The following LRP5 variants were observed in gnomAD, a reference collection of about 807,000 sequenced individuals.
LRP5 encodes LDL receptor related protein 5.
LRP5 carries 62 observed loss-of-function variants against 154.1 expected under a neutral mutation model. The ratio of observed to expected loss-of-function variants is 0.40; its 90% CI spans 0.33 to 0.50. The LOEUF (loss-of-function observed/expected upper bound fraction) is 0.50. LRP5 is among the 20% of genes least tolerant of loss of function. The probability of loss-of-function intolerance (pLI) is 0.55; values close to 1 mark genes in which losing one functional copy is unlikely to be tolerated. For missense variants in LRP5, 1,915 were observed against 2,336.7 expected, an observed-to-expected ratio of 0.82 and a Z score of 3.72; for synonymous variants, 966 against 1,011.5, an observed-to-expected ratio of 0.96 and a Z score of 0.85.
chr11:68,378,864 A>G (rs2098638838), intron 5 of LRP5, among the ~76,000 whole-genome samples: 1 of 152,018 alleles, frequency 6.6e-6, no homozygotes. Context: ...CCTGGCCAAC[A>G]TGGCGAAACT....
At chr11:68,443,560 TATATATATATA>T (rs2098679484) in intron 21 of LRP5, among the ~76,000 whole-genome samples, 2 of 37,826 alleles carry the variant, frequency 5.3e-5, no homozygotes, top group African/African-American at 2.4e-4. Context: ...TATATATATA[TATATATATATA>T]TATATATATA....
At chr11:68,318,144 T>C (rs952665481) in intron 1 of LRP5, among the ~76,000 whole-genome samples, 1 of 151,676 alleles carries the variant, frequency 6.6e-6, no homozygotes, top group Non-Finnish European at 1.5e-5. Flanking sequence ...AAGCTCCACC[T>C]CCCAGGGTCA....
chr11:68,399,440 G>C (rs540140873), intron 7 of LRP5, among the ~76,000 whole-genome samples: 1 of 151,960 alleles, frequency 6.6e-6, no homozygotes, highest in African/African-American at 2.4e-5. Flanking sequence ...TGCTCTCCAT[G>C]CTGCTTTCTG....
At chr11:68,427,833 T>C (rs2098669599) in intron 16 of LRP5, among the ~76,000 whole-genome samples, 1 of 152,192 alleles carries the variant, frequency 6.6e-6, no homozygotes, top group Admixed American at 6.5e-5. Flanking sequence ...CACCTGGGTG[T>C]GGTCAGCTCT....
At chr11:68,440,683 C>T (rs935571191) in intron 21 of LRP5, among the ~76,000 whole-genome samples, 3 of 152,192 alleles carry the variant, frequency 2.0e-5, no homozygotes, top group Non-Finnish European at 4.4e-5. Context: ...TCTGGGGCCT[C>T]GCCAGTGAGC....
At chr11:68,377,257 C>T (rs558518989) in intron 5 of LRP5, among the ~76,000 whole-genome samples, 10 of 152,268 alleles carry the variant, frequency 6.6e-5, no homozygotes, top group South Asian at 2.1e-4. Context: ...TTCCTGAGGC[C>T]GGCACTGACT....
At chr11:68,401,627 G>A (rs1032254003) in intron 7 of LRP5, among the ~76,000 whole-genome samples, 5 of 152,196 alleles carry the variant, frequency 3.3e-5, no homozygotes, top group Non-Finnish European at 5.9e-5. Flanking sequence ...AGCCCCTTGG[G>A]GGCAGAGCTG....
At chr11:68,427,975 T>TTA (rs1565105932) in intron 16 of LRP5, among the ~76,000 whole-genome samples, 6,582 of 43,280 alleles carry the variant, frequency 0.15, 218 homozygotes, top group Non-Finnish European at 0.22. Flanking sequence ...ATTTTATTTT[T>TTA]TTTATTTATT....
intron 1 of LRP5, among the ~76,000 whole-genome samples, chr11:68,330,440 A>G (rs1296596609): frequency 6.6e-6 from 1 of 152,084 alleles, no homozygotes; most frequent in Non-Finnish European, 1.5e-5. Context: ...GGAAGAGGCG[A>G]TTTGCTTCTG....
intron 17 of LRP5, among the ~76,000 whole-genome samples, chr11:68,431,557 A>C (rs2098671928): frequency 6.6e-6 from 1 of 152,050 alleles, no homozygotes; most frequent in African/African-American, 2.4e-5. Context: ...TGTTTTTAGC[A>C]GTTTGTCTTG....
In LRP5 at chr11:68,437,033, C is replaced by T. The variant is rs150137194; in HGVS notation, c.4111+34C>T. Reference sequence around the variant, plus strand: ...GCTTCTGGCACGGGGAAGGGGCGTCCGGGCTGGGTTCCCCCAGGAACGTGG... The same window carrying T: ...GCTTCTGGCACGGGGAAGGGGCGTCTGGGCTGGGTTCCCCCAGGAACGTGG... On this transcript the variant is annotated intron_variant, in intron 19 of 22. Coordinates refer to ENST00000294304, the MANE Select transcript of LRP5 (RefSeq NM_002335.4). 852 of 1,575,916 alleles carry T rather than the reference C, an allele frequency of 5.4e-4. 5 individuals are homozygous for T. In the African/African-American group the frequency reaches 0.01, roughly 19 times the overall value.
intron 5 of LRP5, among the ~76,000 whole-genome samples, chr11:68,374,236 G>A (rs533181125): frequency 5.3e-5 from 8 of 152,228 alleles, no homozygotes; most frequent in African/African-American, 7.2e-5. Flanking sequence ...CTGTCCGGGC[G>A]GATTAGCTCA....
intron 13 of LRP5, among the ~76,000 whole-genome samples, chr11:68,417,354 TTAA>T (rs2098663138): frequency 1.3e-5 from 2 of 151,560 alleles, no homozygotes; most frequent in South Asian, 4.2e-4. Flanking sequence ...TTGCATTCAC[TTAA>T]TGTTTCTCGT....
intron 1 of LRP5, among the ~76,000 whole-genome samples, chr11:68,340,113 G>T (rs1000315078): frequency 6.6e-6 from 1 of 152,128 alleles, no homozygotes; most frequent in Admixed American, 6.5e-5. Flanking sequence ...GGTGGCGTGT[G>T]CCTGTAATCC....
chr11:68,425,305 G>T lies in LRP5; in HGVS notation c.3427+13G>T, dbSNP rs779912481. 9 of 1,599,978 alleles carry T rather than the reference G, an allele frequency of 5.6e-6. No homozygotes were observed. Among genetic ancestry groups the T allele is most frequent in the African/African-American group, 1.3e-5 (1 of 74,950 alleles). ...TGTGACCTGTCAGGTACGCGCCCCG[G>T]GGCCTGCCCTAACCGCAGACACCCG... is the stretch of plus-strand genomic sequence containing the variant. On this transcript the variant is annotated intron_variant, in intron 15 of 22. Transcript: ENST00000294304.
intron 4 of LRP5, among the ~76,000 whole-genome samples, chr11:68,364,971 G>A (rs1404634503): frequency 2.6e-5 from 4 of 152,170 alleles, no homozygotes; most frequent in African/African-American, 4.8e-5. Context: ...AGCATTTATC[G>A]AGTTCCGTTC....
chr11:68,433,662 C>G lies in LRP5; in HGVS notation c.3824C>G (p.Pro1275Arg). 1 of 1,613,500 alleles carries G rather than the reference C, an allele frequency of 6.2e-7. No individual in the cohort carries two copies. Among genetic ancestry groups the G allele is most frequent in the Non-Finnish European group, 8.5e-7 (1 of 1,180,002 alleles). Residue 1275 changes from proline (P) to arginine (R), a missense_variant, in exon 18 of 23, where the codon CCC becomes CGC. Physicochemically the swap from Pro to Arg is moderately radical, Grantham distance 103. Coordinates refer to ENST00000294304, the MANE Select transcript of LRP5 (RefSeq NM_002335.4). Reference sequence around the variant, plus strand: ...GCCACAGGGGAGATCGACTGTATCCCCGGGGCCTGGCGCTGTGACGGCTTT... The same window carrying G: ...GCCACAGGGGAGATCGACTGTATCCGCGGGGCCTGGCGCTGTGACGGCTTT... ...ACATGEIDCI[P>R]GAWRCDGFPE...
At position 68,406,720 on chromosome 11, in the gene LRP5, C is replaced by A. The variant is rs762411916; in HGVS notation, c.1998C>A (p.Asp666Glu). 6 of 1,614,066 alleles carry A rather than the reference C, an allele frequency of 3.7e-6. No homozygotes were observed. The highest frequency in any genetic ancestry group is 1.3e-5 in the African/African-American group (1 of 74,934). ...TCTCCCTCGAGACCAATAACAACGACGTGGCCATCCCGCTCACGGGCGTCA... is the reference window on the plus strand; with the variant it reads ...TCTCCCTCGAGACCAATAACAACGAAGTGGCCATCCCGCTCACGGGCGTCA... The part of the protein sequence containing the change: ...HRISLETNNN[D>E]VAIPLTGVKE... Residue 666 changes from aspartate to glutamate, a missense_variant, in exon 9 of 23, where the codon GAC (aspartate) becomes GAA (glutamate). Coordinates refer to ENST00000294304, the MANE Select transcript of LRP5 (RefSeq NM_002335.4).
chr11:68,411,890 C>G (rs1363163996), intron 11 of LRP5, among the ~76,000 whole-genome samples: 2 of 152,184 alleles, frequency 1.3e-5, no homozygotes, highest in African/African-American at 4.8e-5. Context: ...CCAGCTAATC[C>G]CTGTGCCAGG....
Sources: allele counts gnomAD v4.1 joint callset (sites outside exome capture counted in the v4.1 genomes callset), GRCh38; gene constraint gnomAD v4.1.1; transcripts MANE v1.5; gene names NCBI Gene and HGNC (gene_info 2026-07-23, HGNC 2026-07-21).